TATDN1: variants seen among roughly 807,000 people sequenced by gnomAD.
TATDN1 encodes the protein TatD DNase domain containing 1.
A neutral mutation model predicts 46.4 loss-of-function variants in TATDN1; 40 were observed. The observed-to-expected ratio is 0.86, with a 90% CI of 0.67 to 1.12. The LOEUF is 1.12. Ranked by LOEUF, TATDN1 falls within the 50% of genes most tolerant of loss-of-function variation. TATDN1 has a pLI of 0.00. For synonymous variants in TATDN1, 95 were observed against 105.6 expected (o/e 0.90, Z 0.62); for missense variants, 326 against 348.4 (o/e 0.94, Z 0.51).
intron 2 of TATDN1, 77 bp from the exon 3 acceptor site, chr8:124,522,277 G>A: frequency 2.4e-6 from 2 of 839,004 alleles, no homozygotes; most frequent in South Asian, 3.0e-5. Context: ...CTGTGCAAAT[G>A]GCTATTTGAA....
intron 11 of TATDN1, among the ~76,000 whole-genome samples, chr8:124,491,855 G>A (rs897782450): frequency 6.6e-6 from 1 of 152,190 alleles, no homozygotes; most frequent in Non-Finnish European, 1.5e-5. Context: ...ATAATTAGCA[G>A]TAGATTAGAG....
intron 3 of TATDN1, among the ~76,000 whole-genome samples, chr8:124,521,409 T>A (rs551909370): frequency 6.6e-6 from 1 of 152,298 alleles, no homozygotes; most frequent in South Asian, 2.1e-4. Flanking sequence ...AAAAGCATTG[T>A]TTAAAGTGAT....
intron 11 of TATDN1, among the ~76,000 whole-genome samples, chr8:124,491,880 T>C (rs928185045): frequency 6.6e-6 from 1 of 152,218 alleles, no homozygotes; most frequent in Admixed American, 6.5e-5. Context: ...GTGTATTTTT[T>C]AAATGTGGTT....
chr8:124,495,622 C>A, intron 9 of TATDN1, 80 bp from the exon 10 acceptor site: 7 of 1,136,994 alleles, frequency 6.2e-6, no homozygotes, highest in Non-Finnish European at 7.5e-6. Flanking sequence ...GTCTAAAATG[C>A]TACAAAACCA....
chr8:124,502,784 C>T (rs1818089115), intron 9 of TATDN1, among the ~76,000 whole-genome samples: 2 of 152,156 alleles, frequency 1.3e-5, no homozygotes, highest in Admixed American at 6.5e-5. Flanking sequence ...TTTTTATTTA[C>T]TTGGCTTTCT....
intron 11 of TATDN1, among the ~76,000 whole-genome samples, chr8:124,492,815 C>A (rs1817137174): frequency 6.8e-6 from 1 of 147,124 alleles, no homozygotes. Context: ...CAAGTACTTA[C>A]ATTTCTTTAT....
chr8:124,519,387 G>C (rs1819833612), intron 3 of TATDN1, among the ~76,000 whole-genome samples: 1 of 152,094 alleles, frequency 6.6e-6, no homozygotes, highest in Non-Finnish European at 1.5e-5. Flanking sequence ...CACGATGTTT[G>C]ACACCACCAG....
At position 124,508,699 on chromosome 8, in the gene TATDN1, CAAAA is replaced by C; in HGVS notation, c.390-15_390-12del. 8.8e-7 allele frequency: 1 copy of C among 1,140,870 alleles called. No individual in the cohort carries two copies. The highest frequency in any genetic ancestry group is 1.2e-6 in the Non-Finnish European group (1 of 854,892). 70.7% of individuals were successfully genotyped at this position (1,140,870 alleles called of 1,614,324 possible). A position where few individuals can be genotyped will look rare whatever the true frequency, so the allele number is the denominator to read the frequency against. On this transcript the variant is annotated splice_polypyrimidine_tract_variant and intron_variant, in intron 6 of 11. Transcript: ENST00000276692. Reference sequence around the variant, plus strand: ...TGTTTTTCAAAATATCTGCATAATGCAAAAAAAAAAAATTCTCATTACAAATTGT... The same window carrying C: ...TGTTTTTCAAAATATCTGCATAATGCAAAAAAAATTCTCATTACAAATTGT...
In TATDN1 at chr8:124,498,503, T is replaced by C. The variant is rs935278876; in HGVS notation, c.594-2961A>G. 5.3e-5 allele frequency among the ~76,000 whole-genome samples: 8 copies of C among 150,532 alleles called. No homozygotes were observed. The South Asian group carries it at 1.7e-3, about 32-fold the overall frequency. On this transcript the variant is annotated intron_variant, in intron 9 of 11. Transcript: ENST00000276692. ...ATGGGAGTGAGATCTTTTCTCTATA[T>C]AGGCCCTCAATTAATCATCATTTCT...
intron 1 of TATDN1, chr8:124,523,245 T>C (rs1820212222): frequency 4.3e-6 from 2 of 469,536 alleles, no homozygotes; most frequent in South Asian, 2.5e-5. Context: ...CAGACAATTA[T>C]GAAATATTAG....
chr8:124,522,065 G>T, intron 3 of TATDN1, 86 bp downstream of exon 3: 2 of 873,312 alleles, frequency 2.3e-6, no homozygotes, highest in Non-Finnish European at 3.7e-6. Context: ...GCATTGGTTT[G>T]TTCCTTTCTA....
Position 124,502,266 on chromosome 8 carries a change from G to A in TATDN1, c.593+2005C>T, listed in dbSNP as rs181223829. ...TGAGGCAGGAGAATGGCGTGAACCCGGGAGGCGGAGCCTGCAGTGAGCCAA... is the reference window on the plus strand; with the variant it reads ...TGAGGCAGGAGAATGGCGTGAACCCAGGAGGCGGAGCCTGCAGTGAGCCAA... On this transcript the variant is annotated intron_variant, in intron 9 of 11. Coordinates refer to ENST00000276692, the MANE Select transcript of TATDN1 (RefSeq NM_032026.4). 2.4e-4 allele frequency among the ~76,000 whole-genome samples: 36 copies of A among 151,822 alleles called. No homozygotes were observed. The East Asian group carries it at 6.2e-3, about 26-fold the overall frequency.
intron 6 of TATDN1, among the ~76,000 whole-genome samples, chr8:124,510,790 C>T (rs1161989834): frequency 6.6e-6 from 1 of 152,050 alleles, no homozygotes; most frequent in African/African-American, 2.4e-5. Context: ...CACCACTGCA[C>T]TCCAGCTTGG....
chr8:124,501,239 C>G (rs1213225406), intron 9 of TATDN1, among the ~76,000 whole-genome samples: 1 of 152,146 alleles, frequency 6.6e-6, no homozygotes, highest in Admixed American at 6.5e-5. Flanking sequence ...AACCCCTTCC[C>G]TCCACTGTTC....
chr8:124,538,869 A>T, intron 1 of TATDN1, 156 bp downstream of exon 1: 1 of 763,838 alleles, frequency 1.3e-6, no homozygotes, highest in Non-Finnish European at 2.3e-6. Context: ...CCAGAGCATT[A>T]CCAGCACCCA....
intron 9 of TATDN1, among the ~76,000 whole-genome samples, chr8:124,502,175 A>T (rs1818023169): frequency 6.6e-6 from 1 of 152,062 alleles, no homozygotes. Flanking sequence ...TCTACTAAAA[A>T]TACAAAAACA....
intron 1 of TATDN1, among the ~76,000 whole-genome samples, chr8:124,537,524 T>G (rs1211148407): frequency 2.6e-5 from 4 of 152,158 alleles, no homozygotes; most frequent in African/African-American, 4.8e-5. Flanking sequence ...AATGAAAGAT[T>G]TGAAGCAAAA....
chr8:124,509,400 AC>A (rs1399642305), intron 6 of TATDN1, among the ~76,000 whole-genome samples: 2 of 152,200 alleles, frequency 1.3e-5, no homozygotes, highest in Non-Finnish European at 2.9e-5. Flanking sequence ...AAAACCTGTT[AC>A]GTTTTCAAGA....
intron 6 of TATDN1, among the ~76,000 whole-genome samples, chr8:124,513,794 A>G (rs570026632): frequency 1.3e-5 from 2 of 152,354 alleles, no homozygotes; most frequent in South Asian, 4.1e-4. Flanking sequence ...AACACAGTCT[A>G]TTAGACTTAC....
Sources: gnomAD v4.1 joint callset for allele counts (sites outside exome capture counted in the v4.1 genomes callset) on GRCh38, gnomAD v4.1.1 for gene constraint, MANE v1.5 for transcripts, NCBI Gene and HGNC (gene_info 2026-07-23, HGNC 2026-07-21) for gene names.